MOSMO: variants seen among roughly 807,000 people sequenced by gnomAD.
MOSMO encodes modulator of smoothened protein.
A neutral mutation model predicts 18.4 loss-of-function variants in MOSMO; 5 were observed. That is an observed-to-expected ratio of 0.27 (90% CI 0.14 to 0.57). The LOEUF (loss-of-function observed/expected upper bound fraction) is 0.57, where lower values mean the gene tolerates loss of function less well. Ranked by LOEUF, MOSMO falls within the 20% of genes least tolerant of loss-of-function variation. MOSMO has a pLI of 0.92. For synonymous variants in MOSMO, 82 were observed against 82.3 expected (o/e 1.00, Z 0.02); for missense variants, 138 against 211.8 (o/e 0.65, Z 2.16).
At chr16:22,030,966 C>A (rs1413001470) in intron 1 of MOSMO, among the ~76,000 whole-genome samples, 1 of 152,132 alleles carries the variant, frequency 6.6e-6, no homozygotes, top group African/African-American at 2.4e-5. Context: ...ATAAATAAGA[C>A]CCAGTTTTAG....
At chr16:22,033,687 G>A (rs1451142734) in intron 1 of MOSMO, among the ~76,000 whole-genome samples, 2 of 151,830 alleles carry the variant, frequency 1.3e-5, no homozygotes, top group Non-Finnish European at 2.9e-5. Context: ...GGGCATGGTG[G>A]CAGGTGCCTG....
At chr16:22,028,108 G>T (rs1899913611) in intron 1 of MOSMO, among the ~76,000 whole-genome samples, 1 of 152,002 alleles carries the variant, frequency 6.6e-6, no homozygotes, top group African/African-American at 2.4e-5. Flanking sequence ...AAGTATATAG[G>T]GTCATAATCA....
At chr16:22,017,319 A>T (rs899385653) in intron 1 of MOSMO, among the ~76,000 whole-genome samples, 1 of 152,222 alleles carries the variant, frequency 6.6e-6, no homozygotes, top group African/African-American at 2.4e-5. Flanking sequence ...ATTAGGTTGT[A>T]CGGTGACAGC....
intron 1 of MOSMO, among the ~76,000 whole-genome samples, chr16:22,067,852 C>A (rs925824823): frequency 6.6e-6 from 1 of 151,512 alleles, no homozygotes; most frequent in Admixed American, 6.6e-5. Flanking sequence ...TGCCTTCTGC[C>A]TGGACAACAG....
At chr16:22,019,984 CGG>C (rs1446159756) in intron 1 of MOSMO, among the ~76,000 whole-genome samples, 1 of 151,854 alleles carries the variant, frequency 6.6e-6, no homozygotes, top group African/African-American at 2.4e-5. Flanking sequence ...GAGGCCGAGG[CGG>C]GCAGATCAGC....
chr16:22,075,507 G>C lies in MOSMO; in HGVS notation c.127G>C (p.Val43Leu). ...CCCAGGAGCACTCACTGTGGGCCTCGTGCGACAGTGTCAAACAATCCATGG... is the reference window on the plus strand; with the variant it reads ...CCCAGGAGCACTCACTGTGGGCCTCCTGCGACAGTGTCAAACAATCCATGG... ...ESAGALTVGL[V>L]RQCQTIHGRD... is the part of the protein sequence containing the mutation. Residue 43 changes from valine to leucine, a missense_variant, in exon 2 of 3, where the codon GTG becomes CTG. Transcript: ENST00000542527. 6.5e-7 allele frequency: 1 copy of C among 1,537,270 alleles called. No homozygotes were observed. The highest frequency in any genetic ancestry group is 1.2e-5 in the South Asian group (1 of 84,060).
chr16:22,010,040 A>G (rs1200605184), intron 1 of MOSMO, among the ~76,000 whole-genome samples: 3 of 152,076 alleles, frequency 2.0e-5, no homozygotes, highest in Non-Finnish European at 4.4e-5. Context: ...CTTAATTTTT[A>G]AGTATTACTT....
intron 1 of MOSMO, among the ~76,000 whole-genome samples, chr16:22,019,140 G>A (rs547270410): frequency 6.6e-6 from 1 of 152,246 alleles, no homozygotes; most frequent in South Asian, 2.1e-4. Flanking sequence ...GCATGTGCTT[G>A]TACCAGAAAC....
intron 1 of MOSMO, among the ~76,000 whole-genome samples, chr16:22,014,305 A>G (rs1007437333): frequency 5.9e-5 from 9 of 152,188 alleles, no homozygotes; most frequent in Non-Finnish European, 1.0e-4. Flanking sequence ...CCCGGTCTCC[A>G]TTGCTCATGG....
At chr16:22,034,192 A>G (rs945707581) in intron 1 of MOSMO, among the ~76,000 whole-genome samples, 2 of 152,190 alleles carry the variant, frequency 1.3e-5, no homozygotes, top group South Asian at 2.1e-4. Flanking sequence ...CTTATCCATA[A>G]GCTGTAATCA....
intron 2 of MOSMO, among the ~76,000 whole-genome samples, chr16:22,076,691 A>G (rs950048022): frequency 2.0e-5 from 3 of 152,240 alleles, no homozygotes; most frequent in African/African-American, 4.8e-5. Context: ...TAGAACGCAT[A>G]TAATTGGGAT....
chr16:22,047,613 C>T (rs767467738), intron 1 of MOSMO, among the ~76,000 whole-genome samples: 4 of 152,210 alleles, frequency 2.6e-5, no homozygotes, highest in East Asian at 1.9e-4. Context: ...AGTAATAGTG[C>T]GGTGAACATC....
intron 1 of MOSMO, among the ~76,000 whole-genome samples, chr16:22,028,495 T>C (rs1011382580): frequency 2.6e-5 from 4 of 152,074 alleles, no homozygotes; most frequent in Non-Finnish European, 5.9e-5. Context: ...GATCCATCTG[T>C]AAAGCTCTTT....
intron 1 of MOSMO, among the ~76,000 whole-genome samples, chr16:22,011,038 A>G (rs142171295): frequency 5.9e-5 from 9 of 152,278 alleles, no homozygotes; most frequent in Admixed American, 3.9e-4. Flanking sequence ...GTGAGTTGCC[A>G]TGGAGATAGG....
At chr16:22,050,141 A>T (rs1900393470) in intron 1 of MOSMO, among the ~76,000 whole-genome samples, 2 of 152,190 alleles carry the variant, frequency 1.3e-5, no homozygotes, top group Admixed American at 1.3e-4. Context: ...CTCTGTCAAC[A>T]TTCTGTTTTG....
chr16:22,047,358 T>C (rs1480065844), intron 1 of MOSMO, among the ~76,000 whole-genome samples: 1 of 151,332 alleles, frequency 6.6e-6, no homozygotes, highest in South Asian at 2.1e-4. Flanking sequence ...CATTCTCCTG[T>C]CTCAGCCTCC....
rs1332917216 is a variant in MOSMO, at chr16:22,081,456, T to C, written c.*576T>C. 1 of 132,516 alleles carries C rather than the reference T, an allele frequency of 7.5e-6. No individual in the cohort carries two copies. The highest frequency in any genetic ancestry group is 1.5e-5 in the Non-Finnish European group (1 of 65,442). The allele number at this position is 132,516 out of a possible 1,614,324, so 8.2% of individuals were successfully genotyped here. Reference sequence around the variant, plus strand: ...ATAGATCAAAACTTGTTTGCTAAAATGTATGTAAAAATTCTGAAATTCCCT... The same window carrying C: ...ATAGATCAAAACTTGTTTGCTAAAACGTATGTAAAAATTCTGAAATTCCCT... On this transcript the variant is annotated 3_prime_UTR_variant, in exon 3 of 3. Transcript: ENST00000542527.
rs1900575657 is a variant in MOSMO at position 22,058,309 on chromosome 16, C to T, written c.107-17178C>T. 2.6e-5 allele frequency among the ~76,000 whole-genome samples: 4 copies of T among 151,774 alleles called. 1 individual carries two copies. The South Asian group carries it at 8.3e-4, about 32-fold the overall frequency. The stretch of plus-strand genomic sequence containing the variant: ...GGCGTGATGGCGTGCTCCTGTAATC[C>T]CAGCTACTTGGGGGGCTGAGGCAGG... On this transcript the variant is annotated intron_variant, in intron 1 of 2. Transcript: ENST00000542527.
At chr16:22,056,075 C>T (rs973138258) in intron 1 of MOSMO, among the ~76,000 whole-genome samples, 3 of 151,990 alleles carry the variant, frequency 2.0e-5, no homozygotes, top group Non-Finnish European at 4.4e-5. Flanking sequence ...TAATATGGGC[C>T]GGCAGGGGGC....
Sources: allele counts gnomAD v4.1 joint callset (sites outside exome capture counted in the v4.1 genomes callset), GRCh38; gene constraint gnomAD v4.1.1; transcripts MANE v1.5; gene names NCBI Gene and HGNC (gene_info 2026-07-23, HGNC 2026-07-21).